The following PDE10A variants were observed in gnomAD, a reference collection of about 807,000 sequenced individuals.
The protein encoded by PDE10A is cAMP and cAMP-inhibited cGMP 3',5'-cyclic phosphodiesterase 10A.
In PDE10A, 39 loss-of-function variants were observed where a neutral mutation model predicts 97.7. The observed-to-expected ratio is 0.40, with a 90% confidence interval of 0.31 to 0.52. The LOEUF is 0.52. Ranked by LOEUF, PDE10A falls within the 20% of genes least tolerant of loss-of-function variation. The probability of loss-of-function intolerance (pLI) is 0.56; values close to 1 mark genes in which losing one functional copy is unlikely to be tolerated. For missense variants in PDE10A, 731 were observed against 1,047.8 expected, an observed-to-expected ratio of 0.70 and a Z score of 4.17; for synonymous variants, 371 against 376.8, an observed-to-expected ratio of 0.98 and a Z score of 0.18.
chr6:165,971,971 A>C (rs1214282750), intron 1 of PDE10A, among the ~76,000 whole-genome samples: 1 of 152,200 alleles, frequency 6.6e-6, no homozygotes, highest in Non-Finnish European at 1.5e-5. Flanking sequence ...GTATAGAATA[A>C]GGAGTGATAC....
intron 1 of PDE10A, among the ~76,000 whole-genome samples, chr6:165,696,184 C>T (rs1189789403): frequency 3.3e-5 from 5 of 152,242 alleles, no homozygotes; most frequent in South Asian, 4.2e-4. Context: ...TAAGAAGCCC[C>T]GGGGAGAAGA....
At chr6:165,348,061 G>A (rs1272675827) in intron 18 of PDE10A, among the ~76,000 whole-genome samples, 1 of 152,104 alleles carries the variant, frequency 6.6e-6, no homozygotes, top group African/African-American at 2.4e-5. Flanking sequence ...TCTAAATTAA[G>A]AAAAGACTTC....
chr6:165,729,502 AG>A lies in PDE10A; in HGVS notation c.-614-185935del, dbSNP rs949960880. Among the ~76,000 whole-genome samples the A allele has an allele frequency of 1.1e-4, 17 of 152,302 alleles. No individual in the cohort carries two copies. The East Asian group carries it at 1.2e-3, about 10-fold the overall frequency. ...AATAAGCACTACCTGCTCCTACCAC[AG>A]GGGGGCAGCAACCCAAAATTCACCC... On this transcript the variant is annotated intron_variant, in intron 1 of 19. Transcript: ENST00000366882.
chr6:165,665,630 C>T (rs1790479317), upstream of PDE10A, among the ~76,000 whole-genome samples: 3 of 151,694 alleles, frequency 2.0e-5, no homozygotes, highest in Admixed American at 6.6e-5. Context: ...TGTTGCAGTG[C>T]TCTTGGTAAA....
intron 1 of PDE10A, among the ~76,000 whole-genome samples, chr6:165,755,316 G>A (rs1793092927): frequency 6.6e-6 from 1 of 152,172 alleles, no homozygotes; most frequent in African/African-American, 2.4e-5. Flanking sequence ...TCACCATATT[G>A]TAAAATAGCA....
At chr6:165,450,163 C>G in intron 4 of PDE10A, 79 bp downstream of exon 4, 3 of 903,556 alleles carry the variant, frequency 3.3e-6, no homozygotes, top group Non-Finnish European at 4.9e-6. Context: ...TCATCTGCCT[C>G]TTAGTAAGTA....
chr6:165,485,686 G>C (rs1182944353), intron 2 of PDE10A, among the ~76,000 whole-genome samples: 1 of 150,564 alleles, frequency 6.6e-6, no homozygotes, highest in Non-Finnish European at 1.5e-5. Flanking sequence ...TCTGCCTTCC[G>C]GGTTCAAGCA....
In PDE10A at chr6:165,331,345, A is replaced by G. The variant is rs763996996; in HGVS notation, c.*1680T>C. 1 of 152,236 alleles carries G rather than the reference A, an allele frequency of 6.6e-6. No homozygotes were observed. Among genetic ancestry groups the G allele is most frequent in the Admixed American group, 6.5e-5 (1 of 15,284 alleles). The allele number at this position is 152,236 out of a possible 1,614,324, so 9.4% of individuals were successfully genotyped here. ...CCACGGAGGGAAGATGGCAACTTTC[A>G]GAAGCCCACAAGAAAACTGAACACA... On this transcript the variant is annotated 3_prime_UTR_variant, in exon 22 of 22. Coordinates refer to ENST00000539869, the MANE Select transcript of PDE10A (RefSeq NM_001385079.1).
At chr6:165,890,665 C>A (rs572289393) in intron 1 of PDE10A, among the ~76,000 whole-genome samples, 10 of 152,136 alleles carry the variant, frequency 6.6e-5, no homozygotes, top group Non-Finnish European at 1.3e-4. Context: ...CCTGCCTTTA[C>A]CTGAGAAATC....
At chr6:165,882,698 A>G (rs186008667) in intron 1 of PDE10A, among the ~76,000 whole-genome samples, 17 of 151,868 alleles carry the variant, frequency 1.1e-4, no homozygotes, top group African/African-American at 3.6e-4. Flanking sequence ...TCTATCATTC[A>G]TGGCACATGT....
chr6:165,715,344 C>T (rs931975187), intron 1 of PDE10A, among the ~76,000 whole-genome samples: 4 of 152,250 alleles, frequency 2.6e-5, no homozygotes, highest in African/African-American at 9.6e-5. Flanking sequence ...TAGAACCATA[C>T]GCTGTCCACG....
intron 10 of PDE10A, among the ~76,000 whole-genome samples, chr6:165,424,933 G>T (rs1789005738): frequency 6.6e-6 from 1 of 152,108 alleles, no homozygotes; most frequent in South Asian, 2.1e-4. Context: ...AATTATATCT[G>T]TTGTGGACCC....
At chr6:165,704,041 C>T (rs931763626) in intron 1 of PDE10A, among the ~76,000 whole-genome samples, 2 of 152,224 alleles carry the variant, frequency 1.3e-5, no homozygotes, top group African/African-American at 4.8e-5. Flanking sequence ...TATTCACACT[C>T]GTTCACCAAG....
In PDE10A at chr6:165,943,264, AAGGAAGGAAG is replaced by A. The variant is rs1455186204; in HGVS notation, c.-615+44255_-615+44264del. On this transcript the variant is annotated intron_variant, in intron 1 of 19. Coordinates refer to the PDE10A transcript ENST00000366882. ...GAAGGAAGGAAGGAAGGAAGGAAGG[AAGGAAGGAAG>A]GAAAGAAAGAAAGAAAGAAGGAAAG... Among the ~76,000 whole-genome samples, 130 of 130,244 alleles carry A rather than the reference AAGGAAGGAAG, an allele frequency of 1.0e-3. 10 individuals carry two copies. The highest frequency in any genetic ancestry group is 4.0e-3 in the African/African-American group (123 of 30,784). The allele number at this position is 130,244 out of a possible 152,430, so 85.4% of individuals were successfully genotyped here. A position where few individuals can be genotyped will look rare whatever the true frequency, so the allele number is the denominator to read the frequency against.
chr6:165,652,162 C>T (rs1789717043), intron 1 of PDE10A, among the ~76,000 whole-genome samples: 1 of 152,094 alleles, frequency 6.6e-6, no homozygotes, highest in Non-Finnish European at 1.5e-5. Flanking sequence ...TCCTGGGACA[C>T]CAAGAAAATT....
At chr6:165,929,508 C>T (rs1783056045) in intron 1 of PDE10A, among the ~76,000 whole-genome samples, 1 of 152,212 alleles carries the variant, frequency 6.6e-6, no homozygotes, top group South Asian at 2.1e-4. Flanking sequence ...GGTCAGGCTG[C>T]CCACGGGACC....
At chr6:165,667,711 G>A (rs140249207), upstream of PDE10A, among the ~76,000 whole-genome samples, 16 of 150,948 alleles carry the variant, frequency 1.1e-4, no homozygotes, top group African/African-American at 1.5e-4. Context: ...AAACCCAAGC[G>A]GAGATTTTCA....
At chr6:165,827,858 T>G (rs1779804959) in intron 1 of PDE10A, among the ~76,000 whole-genome samples, 1 of 152,188 alleles carries the variant, frequency 6.6e-6, no homozygotes, top group African/African-American at 2.4e-5. Flanking sequence ...TCTTACGCCT[T>G]TGCATCCTCA....
chr6:165,397,652 A>G (rs938275891), intron 13 of PDE10A, among the ~76,000 whole-genome samples: 1 of 145,198 alleles, frequency 6.9e-6, no homozygotes, highest in Non-Finnish European at 1.5e-5. Context: ...CAGTGAGCCA[A>G]GATGGCGCCA....
Sources: allele counts gnomAD v4.1 joint callset (sites outside exome capture counted in the v4.1 genomes callset), GRCh38; gene constraint gnomAD v4.1.1; transcripts MANE v1.5; gene names NCBI Gene and HGNC (gene_info 2026-07-23, HGNC 2026-07-21).